GRB2: variants seen among roughly 807,000 people sequenced by gnomAD.
The protein encoded by GRB2 is growth factor receptor bound protein 2.
GRB2 carries 2 observed loss-of-function variants against 27.4 expected under a neutral mutation model. That is an observed-to-expected ratio of 0.07 (90% confidence interval 0.03 to 0.23). GRB2 has a LOEUF of 0.23. GRB2 is among the 10% of genes least tolerant of loss of function. The pLI, the probability that GRB2 is intolerant of heterozygous loss-of-function variation, is 1.00. For missense variants in GRB2, 102 were observed against 282.4 expected, an observed-to-expected ratio of 0.36 and a Z score of 4.58; for synonymous variants, 94 against 99.6, an observed-to-expected ratio of 0.94 and a Z score of 0.33.
intron 3 of GRB2, among the ~76,000 whole-genome samples, chr17:75,327,364 C>T (rs373008515): frequency 7.1e-4 from 108 of 151,190 alleles, no homozygotes; most frequent in African/African-American, 2.6e-3. Flanking sequence ...CAGGCATGAG[C>T]CACTACGCCC....
At chr17:75,340,651 G>T (rs763319146) in intron 2 of GRB2, among the ~76,000 whole-genome samples, 5 of 152,176 alleles carry the variant, frequency 3.3e-5, no homozygotes, top group Non-Finnish European at 7.3e-5. Flanking sequence ...TATTTTATTA[G>T]AAGCTATTAG....
chr17:75,328,713 C>T lies in GRB2; in HGVS notation c.177-2693G>A, dbSNP rs959881392. ...CAGCACTTTGGGAGGCCGAGGCGGG[C>T]GGGTCACAAAGTCAGGAGATCGAGA... On this transcript the variant is annotated intron_variant, in intron 3 of 5. Coordinates refer to ENST00000316804, the MANE Select transcript of GRB2 (RefSeq NM_002086.5). 6.6e-5 allele frequency among the ~76,000 whole-genome samples: 10 copies of T among 151,906 alleles called. 1 individual carries two copies. Among genetic ancestry groups the T allele is most frequent in the East Asian group, 1.9e-4 (1 of 5,176 alleles).
At chr17:75,403,885 G>A (rs1220217095) in intron 1 of GRB2, among the ~76,000 whole-genome samples, 16 of 152,198 alleles carry the variant, frequency 1.1e-4, no homozygotes, top group African/African-American at 3.9e-4. Context: ...AGGCCAAGGC[G>A]GGTGGATTAC....
chr17:75,375,442 A>T (rs2078886126), intron 2 of GRB2, among the ~76,000 whole-genome samples: 1 of 152,102 alleles, frequency 6.6e-6, no homozygotes, highest in Non-Finnish European at 1.5e-5. Flanking sequence ...TCTATAGAAG[A>T]CTCTACCCAA....
chr17:75,356,094 A>G (rs1598235208), intron 2 of GRB2, among the ~76,000 whole-genome samples: 1 of 152,132 alleles, frequency 6.6e-6, no homozygotes, highest in South Asian at 2.1e-4. Flanking sequence ...TTGGCCTCCC[A>G]AAGTGCTAAG....
intron 4 of GRB2, among the ~76,000 whole-genome samples, chr17:75,325,055 A>G (rs1475556127): frequency 1.3e-5 from 2 of 152,074 alleles, no homozygotes; most frequent in East Asian, 3.9e-4. Flanking sequence ...AGCCTGGGGG[A>G]CAGAGCGAGA....
intron 2 of GRB2, among the ~76,000 whole-genome samples, chr17:75,367,890 G>GA: frequency 6.7e-6 from 1 of 149,070 alleles, no homozygotes; most frequent in South Asian, 2.1e-4. Context: ...CGTTGTTTTG[G>GA]TTTTTTTTTT....
chr17:75,374,464 T>C (rs1174626550), intron 2 of GRB2, among the ~76,000 whole-genome samples: 2 of 150,722 alleles, frequency 1.3e-5, no homozygotes, highest in African/African-American at 4.9e-5. Context: ...GCACAGTAGC[T>C]GACACCTGTA....
At chr17:75,377,371 A>G (rs903454556) in intron 2 of GRB2, among the ~76,000 whole-genome samples, 19 of 151,974 alleles carry the variant, frequency 1.3e-4, no homozygotes, top group Non-Finnish European at 1.3e-4. Flanking sequence ...CTGTAATCCC[A>G]ACACTTTGGG....
intron 5 of GRB2, 104 bp downstream of exon 5, chr17:75,321,555 A>AGGGCGCCCGCATGTTGAG: frequency 9.8e-7 from 1 of 1,017,874 alleles, no homozygotes; most frequent in Non-Finnish European, 1.5e-6. Context: ...CAATCCCTGA[A>AGGGCGCCCGCATGTTGAG]GGGCGCCCGC....
intron 3 of GRB2, among the ~76,000 whole-genome samples, chr17:75,331,941 G>A (rs1287676731): frequency 2.0e-5 from 3 of 152,124 alleles, no homozygotes; most frequent in East Asian, 1.9e-4. Flanking sequence ...GAAAGTCTCC[G>A]CCACCAGCTG....
intron 4 of GRB2, among the ~76,000 whole-genome samples, chr17:75,323,602 T>G (rs2078475366): frequency 6.6e-6 from 1 of 152,190 alleles, no homozygotes; most frequent in South Asian, 2.1e-4. Context: ...CATTAAATCC[T>G]TAAAAGATTC....
intron 2 of GRB2, among the ~76,000 whole-genome samples, chr17:75,342,759 T>C (rs1469952388): frequency 6.6e-6 from 1 of 152,082 alleles, no homozygotes; most frequent in Non-Finnish European, 1.5e-5. Context: ...CTTCTTTGTC[T>C]AAGTAGGCTG....
chr17:75,332,343 A>G (rs1307387843), intron 3 of GRB2, among the ~76,000 whole-genome samples: 1 of 152,190 alleles, frequency 6.6e-6, no homozygotes, highest in African/African-American at 2.4e-5. Flanking sequence ...CCACAGCATT[A>G]GCACATATAA....
At chr17:75,374,216 G>A (rs1425309473) in intron 2 of GRB2, among the ~76,000 whole-genome samples, 1 of 151,564 alleles carries the variant, frequency 6.6e-6, no homozygotes, top group Non-Finnish European at 1.5e-5. Context: ...GACCAGCCTG[G>A]CCATTATGGT....
chr17:75,389,934 A>G (rs1286108279), intron 2 of GRB2, among the ~76,000 whole-genome samples: 1 of 152,192 alleles, frequency 6.6e-6, no homozygotes, highest in African/African-American at 2.4e-5. Flanking sequence ...ACTGTTTCAC[A>G]TATTAATCTC....
At chr17:75,349,091 G>A (rs1034055477) in intron 2 of GRB2, among the ~76,000 whole-genome samples, 2 of 152,316 alleles carry the variant, frequency 1.3e-5, no homozygotes, top group African/African-American at 4.8e-5. Flanking sequence ...AGAACCTAAA[G>A]GTAGAACAGC....
At chr17:75,400,417 A>C (rs2079056473) in intron 1 of GRB2, among the ~76,000 whole-genome samples, 1 of 150,074 alleles carries the variant, frequency 6.7e-6, no homozygotes, top group African/African-American at 2.5e-5. Flanking sequence ...CAGGCAATCC[A>C]CCAGCCTTGG....
intron 2 of GRB2, among the ~76,000 whole-genome samples, chr17:75,336,655 AACAAAAATTATT>A: frequency 6.6e-6 from 1 of 152,324 alleles, no homozygotes; most frequent in Non-Finnish European, 1.5e-5. Context: ...CTGTCTACAG[AACAAAAATTATT>A]ACTTGGTGTT....
Sources: gnomAD v4.1 joint callset for allele counts (sites outside exome capture counted in the v4.1 genomes callset) on GRCh38, gnomAD v4.1.1 for gene constraint, MANE v1.5 for transcripts, NCBI Gene and HGNC (gene_info 2026-07-23, HGNC 2026-07-21) for gene names.